Variants in DPP10 observed in about 807,000 individuals in gnomAD.
DPP10 encodes inactive dipeptidyl peptidase 10.
In DPP10, 33 loss-of-function variants were observed where a neutral mutation model predicts 120.9. That is an observed-to-expected ratio of 0.27 (90% confidence interval 0.21 to 0.37). The LOEUF is 0.37. Among genes scored for constraint, DPP10 ranks in the 10% least tolerant of loss-of-function variants. DPP10 has a pLI of 1.00. For synonymous variants in DPP10, 337 were observed against 326.1 expected (o/e 1.03, Z -0.36); for missense variants, 816 against 942.8 (o/e 0.87, Z 1.76).
chr2:115,027,062 A>G (rs1703515037), intron 1 of DPP10, among the ~76,000 whole-genome samples: 1 of 152,022 alleles, frequency 6.6e-6, no homozygotes, highest in African/African-American at 2.4e-5. Context: ...ACTGTTTCCT[A>G]GGTATTTTAT....
chr2:115,010,945 A>G (rs1221815890), intron 1 of DPP10, among the ~76,000 whole-genome samples: 1 of 152,186 alleles, frequency 6.6e-6, no homozygotes, highest in African/African-American at 2.4e-5. Context: ...GCAAATAATT[A>G]CAGTCATGTC....
chr2:115,421,393 A>G (rs887337803), intron 3 of DPP10, among the ~76,000 whole-genome samples: 1 of 152,158 alleles, frequency 6.6e-6, no homozygotes, highest in African/African-American at 2.4e-5. Context: ...AATTCTAACC[A>G]TGTTCTTACT....
At chr2:115,770,340 G>A (rs765630559) in intron 13 of DPP10, among the ~76,000 whole-genome samples, 1 of 152,000 alleles carries the variant, frequency 6.6e-6, no homozygotes, top group Non-Finnish European at 1.5e-5. Context: ...CTGTATTTCT[G>A]AAATGTTCAG....
At chr2:115,100,498 G>A (rs1366125670) in intron 1 of DPP10, among the ~76,000 whole-genome samples, 1 of 151,320 alleles carries the variant, frequency 6.6e-6, no homozygotes, top group African/African-American at 2.4e-5. Flanking sequence ...TATATATAAA[G>A]GAATATATAA....
chr2:114,879,344 C>T lies in DPP10; in HGVS notation c.61-429895C>T, dbSNP rs150444041. On this transcript the variant is annotated intron_variant, in intron 1 of 25. Coordinates refer to ENST00000410059, the MANE Select transcript of DPP10 (RefSeq NM_020868.6). Reference sequence around the variant, plus strand: ...TTTCTCCTCAATCATCTGTCACTATCATCACTCCTATTATCATCTCATGAA... The same window carrying T: ...TTTCTCCTCAATCATCTGTCACTATTATCACTCCTATTATCATCTCATGAA... Among the ~76,000 whole-genome samples the T allele has an allele frequency of 6.1e-3, 933 of 152,182 alleles. 1 individual carries two copies. The highest frequency in any genetic ancestry group is 0.021 in the African/African-American group (890 of 41,532).
intron 1 of DPP10, among the ~76,000 whole-genome samples, chr2:115,213,223 A>T (rs1052090801): frequency 1.7e-4 from 26 of 152,286 alleles, no homozygotes; most frequent in Non-Finnish European, 3.5e-4. Flanking sequence ...TTTACTTTAC[A>T]TATTTTGTCT....
intron 1 of DPP10, among the ~76,000 whole-genome samples, chr2:114,465,395 T>C (rs1024947773): frequency 6.6e-6 from 1 of 152,204 alleles, no homozygotes. Flanking sequence ...ATCATTTCTA[T>C]TGCAATGCAT....
At chr2:115,528,886 T>A (rs916161702) in intron 5 of DPP10, among the ~76,000 whole-genome samples, 17 of 152,064 alleles carry the variant, frequency 1.1e-4, no homozygotes, top group African/African-American at 4.1e-4. Flanking sequence ...TTTTTTGTTT[T>A]ATGGGACAAC....
chr2:115,373,367 T>A (rs912291605), intron 3 of DPP10, among the ~76,000 whole-genome samples: 1 of 152,188 alleles, frequency 6.6e-6, no homozygotes, highest in African/African-American at 2.4e-5. Flanking sequence ...GAGTCAAAGT[T>A]AACATTTATC....
At chr2:115,685,814 G>A (rs935108143) in intron 5 of DPP10, among the ~76,000 whole-genome samples, 1 of 151,960 alleles carries the variant, frequency 6.6e-6, no homozygotes, top group Non-Finnish European at 1.5e-5. Flanking sequence ...TACTTTCCTT[G>A]TGTTCAAATT....
chr2:114,606,654 A>G (rs961245954), intron 1 of DPP10, among the ~76,000 whole-genome samples: 4 of 152,188 alleles, frequency 2.6e-5, no homozygotes, highest in African/African-American at 9.6e-5. Flanking sequence ...GAACTTCTGC[A>G]TACTTAATCA....
intron 7 of DPP10, among the ~76,000 whole-genome samples, chr2:115,712,101 T>C (rs1292159287): frequency 6.6e-6 from 1 of 151,556 alleles, no homozygotes; most frequent in Non-Finnish European, 1.5e-5. Flanking sequence ...ACTATGATTA[T>C]AACATTGTAA....
At chr2:114,469,236 G>A (rs1249163978) in intron 1 of DPP10, among the ~76,000 whole-genome samples, 1 of 152,192 alleles carries the variant, frequency 6.6e-6, no homozygotes, top group Admixed American at 6.5e-5. Flanking sequence ...CATGGCAAAT[G>A]TAGGATGGGT....
At chr2:114,743,811 G>A (rs1678297698) in intron 1 of DPP10, among the ~76,000 whole-genome samples, 1 of 151,880 alleles carries the variant, frequency 6.6e-6, no homozygotes, top group Non-Finnish European at 1.5e-5. Context: ...CTTAATACGT[G>A]TTAGCTATTG....
intron 5 of DPP10, among the ~76,000 whole-genome samples, chr2:115,587,191 G>A (rs776032993): frequency 8.0e-4 from 112 of 139,144 alleles, no homozygotes; most frequent in South Asian, 3.5e-3. Context: ...TCCGCCTCCC[G>A]GGTTCACGCC....
intron 1 of DPP10, among the ~76,000 whole-genome samples, chr2:115,152,809 C>A (rs538098117): frequency 1.3e-5 from 2 of 152,132 alleles, no homozygotes; most frequent in Non-Finnish European, 1.5e-5. Flanking sequence ...CTAAGAACAA[C>A]GAAACAGCTG....
chr2:114,481,091 C>T (rs1018629318), intron 1 of DPP10, among the ~76,000 whole-genome samples: 5 of 150,702 alleles, frequency 3.3e-5, no homozygotes, highest in East Asian at 1.9e-4. Context: ...GATTTGACAC[C>T]GAAAGCATGA....
intron 1 of DPP10, among the ~76,000 whole-genome samples, chr2:114,567,820 C>T (rs1029679534): frequency 3.3e-5 from 5 of 151,950 alleles, no homozygotes; most frequent in African/African-American, 9.7e-5. Flanking sequence ...TGAGAACTCA[C>T]GGACACAGGA....
intron 1 of DPP10, among the ~76,000 whole-genome samples, chr2:114,983,683 A>T (rs1175831824): frequency 6.6e-6 from 1 of 152,196 alleles, no homozygotes; most frequent in Non-Finnish European, 1.5e-5. Context: ...TGAACAACTG[A>T]AAAAGGGGAG....
Sources: allele counts gnomAD v4.1 joint callset (sites outside exome capture counted in the v4.1 genomes callset), GRCh38; gene constraint gnomAD v4.1.1; transcripts MANE v1.5; gene names NCBI Gene and HGNC (gene_info 2026-07-23, HGNC 2026-07-21).